Variants in RPS6KA3 observed in about 807,000 individuals in gnomAD.
The protein encoded by RPS6KA3 is ribosomal protein S6 kinase A3.
RPS6KA3 carries 4 observed loss-of-function variants against 67.2 expected under a neutral mutation model. The observed-to-expected ratio is 0.06, with a 90% CI of 0.03 to 0.14. The LOEUF (loss-of-function observed/expected upper bound fraction) is 0.14. Among genes scored for constraint, RPS6KA3 ranks in the 10% least tolerant of loss-of-function variants. The probability of loss-of-function intolerance (pLI) is 1.00; values close to 1 mark genes in which losing one functional copy is unlikely to be tolerated. For missense variants in RPS6KA3, 204 were observed against 559.0 expected, an observed-to-expected ratio of 0.36 and a Z score of 6.40; for synonymous variants, 182 against 183.7, an observed-to-expected ratio of 0.99 and a Z score of 0.07.
chrX:20,165,085 T>C, intron 17 of RPS6KA3, 25 bp from the exon 18 acceptor site: 1 of 1,111,613 alleles, frequency 9.0e-7, no homozygotes, highest in Non-Finnish European at 1.2e-6. Context: ...AATTAAAGAG[T>C]TATGTTAACA....
At chrX:20,168,511 G>A (rs1391471029) in intron 16 of RPS6KA3, among the ~76,000 whole-genome samples, 5 of 111,764 alleles carry the variant, frequency 4.5e-5, no homozygotes, top group Non-Finnish European at 7.5e-5. Context: ...GGTCTTAAGC[G>A]GCTGGGGACT....
In RPS6KA3 at chrX:20,175,299, TAAG is replaced by T; in HGVS notation, c.1103-14_1103-12del. 2 of 1,207,441 alleles carry T rather than the reference TAAG, an allele frequency of 1.7e-6. No individual in the cohort carries two copies. Among genetic ancestry groups the T allele is most frequent in the Non-Finnish European group, 2.2e-6 (2 of 892,124 alleles). On this transcript the variant is annotated splice_polypyrimidine_tract_variant and intron_variant, in intron 13 of 21. Coordinates refer to ENST00000379565, the MANE Select transcript of RPS6KA3 (RefSeq NM_004586.3). ...GAATGCCAGGTGAATCTGAAAAGAG[TAAG>T]AAGTGACAAAGAAGATTCATTTGAA... is the stretch of plus-strand genomic sequence containing the variant.
At chrX:20,246,075 G>A (rs900953393) in intron 1 of RPS6KA3, among the ~76,000 whole-genome samples, 3 of 102,675 alleles carry the variant, frequency 2.9e-5, no homozygotes, top group Admixed American at 1.1e-4. Context: ...CCGAGATCGC[G>A]TCATTGCACT....
chrX:20,212,663 CA>C (rs1210387001), intron 2 of RPS6KA3, among the ~76,000 whole-genome samples: 1 of 110,192 alleles, frequency 9.1e-6, no homozygotes, highest in Non-Finnish European at 1.9e-5. Context: ...CGCTTGAGCC[CA>C]GGAGGTCGAG....
intron 1 of RPS6KA3, among the ~76,000 whole-genome samples, chrX:20,247,124 T>G (rs2069710367): frequency 8.9e-6 from 1 of 112,386 alleles, no homozygotes; most frequent in Non-Finnish European, 1.9e-5. Context: ...TAAGCATAAA[T>G]AAAGAGTATT....
intron 20 of RPS6KA3, among the ~76,000 whole-genome samples, chrX:20,158,880 T>C (rs1304328072): frequency 2.7e-5 from 3 of 111,887 alleles, no homozygotes; most frequent in African/African-American, 9.8e-5. Context: ...TTAGCTACTA[T>C]GGATGATGAC....
intron 10 of RPS6KA3, among the ~76,000 whole-genome samples, chrX:20,182,073 A>G (rs1385582966): frequency 9.0e-6 from 1 of 111,621 alleles, no homozygotes; most frequent in Non-Finnish European, 1.9e-5. Context: ...GTAGAATAAT[A>G]TAAAATGCCC....
Position 20,154,690 on chromosome X carries a change from GAAAC to G in RPS6KA3, c.*704_*707del, listed in dbSNP as rs1233089866. The G allele has an allele frequency of 8.8e-6, 1 of 113,514 alleles. No individual in the cohort carries two copies. Among genetic ancestry groups the G allele is most frequent in the Non-Finnish European group, 1.9e-5 (1 of 53,920 alleles). 9.4% of individuals were successfully genotyped at this position (113,514 alleles called of 1,213,427 possible). A position where few individuals can be genotyped will look rare whatever the true frequency, so the allele number is the denominator to read the frequency against. On this transcript the variant is annotated 3_prime_UTR_variant, in exon 22 of 22. Coordinates refer to ENST00000379565, the MANE Select transcript of RPS6KA3 (RefSeq NM_004586.3). ...AGTCTGACAGAGCACCTGACTTTAAGAAACAAACAAATGAACGAACCAGTGAAAC... is the reference window on the plus strand; with the variant it reads ...AGTCTGACAGAGCACCTGACTTTAAGAAACAAATGAACGAACCAGTGAAAC...
chrX:20,169,072 T>TG (rs1475858157), intron 16 of RPS6KA3, among the ~76,000 whole-genome samples: 1 of 112,000 alleles, frequency 8.9e-6, no homozygotes, highest in Non-Finnish European at 1.9e-5. Flanking sequence ...AGGCTGGTCT[T>TG]GAACTCCTGG....
chrX:20,155,543 G>A (rs752440571), intron 21 of RPS6KA3, 23 bp from the exon 22 acceptor site: 2 of 1,206,823 alleles, frequency 1.7e-6, no homozygotes, highest in Non-Finnish European at 2.2e-6. Flanking sequence ...AATAAAGGTA[G>A]TAACAAAAGT....
chrX:20,193,743 C>A, intron 6 of RPS6KA3, 150 bp from the exon 7 acceptor site: 2 of 431,100 alleles, frequency 4.6e-6, no homozygotes, highest in Non-Finnish European at 8.0e-6. Flanking sequence ...AAAGGAATAG[C>A]AAAATTATCT....
At chrX:20,215,687 A>C (rs1346531215) in intron 2 of RPS6KA3, among the ~76,000 whole-genome samples, 1 of 111,951 alleles carries the variant, frequency 8.9e-6, no homozygotes, top group East Asian at 2.8e-4. Flanking sequence ...ACCAGGACAT[A>C]ATACTAATGC....
chrX:20,223,463 T>C (rs1272100959), intron 2 of RPS6KA3, among the ~76,000 whole-genome samples: 1 of 111,822 alleles, frequency 8.9e-6, no homozygotes, highest in Admixed American at 9.5e-5. Flanking sequence ...AGGCTATTGG[T>C]ATACTGTTTC....
chrX:20,251,393 T>C (rs2069860938), intron 1 of RPS6KA3, among the ~76,000 whole-genome samples: 1 of 112,982 alleles, frequency 8.9e-6, no homozygotes. Flanking sequence ...CCTCTTGCCT[T>C]GGCCTCCCAA....
chrX:20,267,053 G>A, upstream of RPS6KA3: 1 of 754,196 alleles, frequency 1.3e-6, no homozygotes, highest in Non-Finnish European at 1.6e-6. Flanking sequence ...CTCTCAAAGC[G>A]AGGCTCGGCC....
At position 20,241,742 on chromosome X, in the gene RPS6KA3, T is replaced by G. The variant is rs1055894949; in HGVS notation, c.70-6928A>C. On this transcript the variant is annotated intron_variant, in intron 1 of 21. Coordinates refer to ENST00000379565, the MANE Select transcript of RPS6KA3 (RefSeq NM_004586.3). ...TATTTCAAAGGAACTGAAATCAGAC[T>G]GACCTCAGATTTCTCCTCTGCAACA... The G allele has an allele frequency of 3.6e-5, 4 of 111,274 alleles. No individual in the cohort carries two copies. The Admixed American group carries it at 3.8e-4, about 11-fold the overall frequency. 9.2% of individuals were successfully genotyped at this position (111,274 alleles called of 1,213,427 possible). A position where few individuals can be genotyped will look rare whatever the true frequency, so the allele number is the denominator to read the frequency against.
At chrX:20,189,916 A>G (rs747443851) in intron 7 of RPS6KA3, among the ~76,000 whole-genome samples, 1 of 111,926 alleles carries the variant, frequency 8.9e-6, no homozygotes, top group South Asian at 3.7e-4. Context: ...TTCTTTTATC[A>G]TAAGCACCTG....
intron 3 of RPS6KA3, among the ~76,000 whole-genome samples, chrX:20,204,669 G>A (rs1412270082): frequency 8.9e-6 from 1 of 112,231 alleles, no homozygotes; most frequent in Admixed American, 9.4e-5. Flanking sequence ...GGGAGGCCAA[G>A]GCGGGTGGAT....
chrX:20,218,781 G>T, intron 2 of RPS6KA3: 1 of 1,074,193 alleles, frequency 9.3e-7, no homozygotes, highest in Non-Finnish European at 1.3e-6. Context: ...TTCTATAAAA[G>T]AAGCTGAACA....
Sources: gnomAD v4.1 joint callset for allele counts (sites outside exome capture counted in the v4.1 genomes callset) on GRCh38, gnomAD v4.1.1 for gene constraint, MANE v1.5 for transcripts, NCBI Gene and HGNC (gene_info 2026-07-23, HGNC 2026-07-21) for gene names.